The following C16orf95 variants were observed in gnomAD, a reference collection of about 807,000 sequenced individuals.
C16orf95 encodes chromosome 16 open reading frame 95, also known as uncharacterized protein C16orf95.
C16orf95 carries 41 observed loss-of-function variants against 32.1 expected under a neutral mutation model. The ratio of observed to expected loss-of-function variants is 1.28; its 90% CI spans 1.00 to 1.66. The LOEUF (loss-of-function observed/expected upper bound fraction) is 1.66, where lower values mean the gene tolerates loss of function less well. Ranked by LOEUF, C16orf95 falls within the 40% of genes most tolerant of loss-of-function variation. The pLI, the probability that C16orf95 is intolerant of heterozygous loss-of-function variation, is 0.00. For missense variants in C16orf95, 399 were observed against 325.9 expected, an observed-to-expected ratio of 1.22 and a Z score of -1.73; for synonymous variants, 147 against 128.9, an observed-to-expected ratio of 1.14 and a Z score of -0.95.
Position 87,310,294 on chromosome 16 carries a change from T to A in C16orf95, c.514+3A>T. On this transcript the variant is annotated splice_donor_region_variant and intron_variant, in intron 5 of 6. Transcript: ENST00000567970. ...ATATGAGACACACACACACTGGAGT[T>A]ACCTTGGATGCCTTTCAAACTCTGC... The A allele has an allele frequency of 1.3e-6, 2 of 1,536,128 alleles. No individual in the cohort carries two copies. Among genetic ancestry groups the A allele is most frequent in the Non-Finnish European group, 8.7e-7 (1 of 1,146,900 alleles).
intron 5 of C16orf95, among the ~76,000 whole-genome samples, chr16:87,307,054 C>A (rs1164939835): frequency 6.6e-6 from 1 of 152,150 alleles, no homozygotes; most frequent in African/African-American, 2.4e-5. Context: ...CATTCCCCGA[C>A]CCCTGCCTCT....
At chr16:87,310,222 C>T in intron 5 of C16orf95, 75 bp downstream of exon 5, 1 of 1,420,976 alleles carries the variant, frequency 7.0e-7, no homozygotes, top group African/African-American at 1.4e-5. Flanking sequence ...AGGTCTGCCC[C>T]CACCATCATG....
intron 5 of C16orf95, among the ~76,000 whole-genome samples, chr16:87,307,401 C>T (rs1051489349): frequency 6.6e-6 from 1 of 152,140 alleles, no homozygotes. Flanking sequence ...CACACAAATA[C>T]ATAAATATAC....
intron 5 of C16orf95, chr16:87,306,177 G>C (rs1911021113): frequency 3.3e-6 from 1 of 307,364 alleles, no homozygotes; most frequent in African/African-American, 2.2e-5. Flanking sequence ...TGTCTAGCTG[G>C]GACTTGTTTC....
chr16:87,312,501 G>A (rs1226086836), intron 3 of C16orf95, among the ~76,000 whole-genome samples: 1 of 147,680 alleles, frequency 6.8e-6, no homozygotes, highest in Non-Finnish European at 1.5e-5. Context: ...CCTGGGAGAC[G>A]GAGTTTGCAG....
At chr16:87,303,415 T>G (rs1910854311) in intron 6 of C16orf95, 1 of 265,194 alleles carries the variant, frequency 3.8e-6, no homozygotes, top group Admixed American at 4.6e-5. Flanking sequence ...GCCAAGAGAT[T>G]CTAAGCCCAC....
Position 87,305,785 on chromosome 16 carries a change from G to A in C16orf95, c.635C>T (p.Ala212Val), listed in dbSNP as rs906246624. The change falls in exon 6 of 7, where the codon GCG (alanine) becomes GTG (valine). Residue 212 changes from alanine to valine, a missense_variant. Transcript: ENST00000567970. The surrounding 1 kb of genome is among the most constrained non-coding windows in gnomAD (Gnocchi z 4.2). ...PYQDQLPAPAARLLPLGLLTL... is the reference protein window; with the variant it reads ...PYQDQLPAPAVRLLPLGLLTL... ...CAGGAGGCCGAGGGGCAGCAGACGC[G>A]CTGCAGGAGCCGGTAGCTGGTCCTG... is the stretch of plus-strand genomic sequence containing the variant. 1.2e-4 allele frequency: 187 copies of A among 1,518,100 alleles called. No individual in the cohort carries two copies. Among genetic ancestry groups the A allele is most frequent in the African/African-American group, 4.5e-4 (32 of 71,392 alleles). The allele number at this position is 1,518,100 out of a possible 1,614,324, so 94.0% of individuals were successfully genotyped here.
In C16orf95 at chr16:87,303,002, C is replaced by G. The variant is rs537966729; in HGVS notation, c.*55G>C. Reference sequence around the variant, plus strand: ...TCCTGATTGGTGGACTCTCAAAGATCTTGATCGTGACACATTTTTGTGGCT... The same window carrying G: ...TCCTGATTGGTGGACTCTCAAAGATGTTGATCGTGACACATTTTTGTGGCT... On this transcript the variant is annotated 3_prime_UTR_variant, in exon 7 of 7. Transcript: ENST00000567970. 37 of 1,527,182 alleles carry G rather than the reference C, an allele frequency of 2.4e-5. 1 individual carries two copies. In the South Asian group the frequency reaches 4.4e-4, roughly 18 times the overall value. 94.6% of individuals were successfully genotyped at this position (1,527,182 alleles called of 1,614,324 possible). A position where few individuals can be genotyped will look rare whatever the true frequency, so the allele number is the denominator to read the frequency against.
chr16:87,315,703 C>A (rs940712274), intron 2 of C16orf95, 69 bp downstream of exon 2: 5 of 1,228,828 alleles, frequency 4.1e-6, no homozygotes, highest in Non-Finnish European at 5.5e-6. Context: ...GACCCACATT[C>A]CCTGCTCTCC....
chr16:87,305,848 C>A lies in C16orf95; in HGVS notation c.572G>T (p.Cys191Phe). 6.8e-7 allele frequency: 1 copy of A among 1,478,228 alleles called. No individual in the cohort carries two copies. The highest frequency in any genetic ancestry group is 8.9e-7 in the Non-Finnish European group (1 of 1,120,542). 91.6% of individuals were successfully genotyped at this position (1,478,228 alleles called of 1,614,324 possible). A position where few individuals can be genotyped will look rare whatever the true frequency, so the allele number is the denominator to read the frequency against. The stretch of plus-strand genomic sequence containing the variant: ...GAGCTGCTGGAACTTGGACAACAGG[C>A]ACTCATCACCGCAGATCCGCCAGCA... ...HNCWRICGDE[C>F]LLSKFQQLQA... is the part of the protein sequence containing the mutation. Residue 191 changes from cysteine to phenylalanine, a missense_variant, in exon 6 of 7, where the codon TGC becomes TTC. Physicochemically the swap from Cys to Phe is radical, Grantham distance 205 (BLOSUM62 -2). Transcript: ENST00000567970. The surrounding 1 kb of genome is among the most constrained non-coding windows in gnomAD (Gnocchi z 4.2).
intron 2 of C16orf95, 59 bp from the exon 3 acceptor site, chr16:87,315,155 G>A (rs1904308494): frequency 6.6e-7 from 1 of 1,513,556 alleles, no homozygotes; most frequent in Non-Finnish European, 8.8e-7. Context: ...AGGGAGACAG[G>A]AGGCTCTCAA....
intron 5 of C16orf95, among the ~76,000 whole-genome samples, chr16:87,307,834 C>T (rs544327179): frequency 2.6e-5 from 4 of 152,314 alleles, no homozygotes; most frequent in South Asian, 4.1e-4. Context: ...AAGGTCAAGA[C>T]ACTTTTGTCA....
rs1484383714 is a variant in C16orf95, at chr16:87,305,489, C to CCACGAGGCCCCCGCCACCCG, written c.701+229_701+230insCGGGTGGCGGGGGCCTCGTG. On this transcript the variant is annotated intron_variant, in intron 6 of 6. Transcript: ENST00000567970. The surrounding 1 kb of genome is among the most constrained non-coding windows in gnomAD (Gnocchi z 4.2). ...GGAAGAGGGAAGGGGTGGAAGTGCC[C>CCACGAGGCCCCCGCCACCCG]CACGAGGCCCCCGCCGCCCCCAGGC... is the stretch of plus-strand genomic sequence containing the variant. 9.9e-5 allele frequency among the ~76,000 whole-genome samples: 15 copies of CCACGAGGCCCCCGCCACCCG among 152,184 alleles called. No homozygotes were observed. The highest frequency in any genetic ancestry group is 9.8e-4 in the Admixed American group (15 of 15,290).
intron 3 of C16orf95, among the ~76,000 whole-genome samples, chr16:87,313,254 C>G (rs944244442): frequency 6.7e-6 from 1 of 149,750 alleles, no homozygotes; most frequent in Non-Finnish European, 1.5e-5. Context: ...AAAATGAACA[C>G]TACTTGATTT....
At chr16:87,310,503 C>A (rs938542708) in intron 4 of C16orf95, among the ~76,000 whole-genome samples, 170 bp from the exon 5 acceptor site, 5 of 152,182 alleles carry the variant, frequency 3.3e-5, no homozygotes, top group African/African-American at 1.2e-4. Flanking sequence ...CAGCCTGCCA[C>A]CCAGTAATGG....
intron 4 of C16orf95, 49 bp from the exon 5 acceptor site, chr16:87,310,382 G>A (rs1294987670): frequency 5.4e-5 from 82 of 1,528,160 alleles, no homozygotes; most frequent in Non-Finnish European, 6.9e-5. Flanking sequence ...ACCCTCCAAG[G>A]GGGAAGGCCT....
chr16:87,314,906 G>A (rs1415320152), intron 3 of C16orf95, 65 bp downstream of exon 3: 1 of 1,381,402 alleles, frequency 7.2e-7, no homozygotes, highest in Non-Finnish European at 9.7e-7. Context: ...AATTCTGAGG[G>A]GTGACTGGTC....
chr16:87,304,331 G>GCT (rs1567602023), intron 6 of C16orf95, among the ~76,000 whole-genome samples: 28 of 151,866 alleles, frequency 1.8e-4, no homozygotes, highest in African/African-American at 6.8e-4. Flanking sequence ...CTGGGATCCA[G>GCT]GTGTGGGCCA....
rs545485060 is a variant in C16orf95, at chr16:87,305,037, G to C, written c.701+682C>G. ...GGAAGGAGCTGCACTGGGCAATGAG[G>C]AGGAGGAGGAGAGGAGAGAGGCTTT... On this transcript the variant is annotated intron_variant, in intron 6 of 6. Transcript: ENST00000567970. The surrounding 1 kb of genome is among the most constrained non-coding windows in gnomAD (Gnocchi z 4.2). Among the ~76,000 whole-genome samples, 11 of 152,234 alleles carry C rather than the reference G, an allele frequency of 7.2e-5. No homozygotes were observed. The South Asian group carries it at 1.2e-3, about 17-fold the overall frequency.
Sources: allele counts gnomAD v4.1 joint callset (sites outside exome capture counted in the v4.1 genomes callset), GRCh38; gene constraint gnomAD v4.1.1; non-coding constraint Gnocchi (gnomAD v3.1); transcripts MANE v1.5; gene names NCBI Gene and HGNC (gene_info 2026-07-23, HGNC 2026-07-21).